Variants in SGK3 observed in about 807,000 individuals in gnomAD.
SGK3 encodes serum/glucocorticoid regulated kinase family member 3.
A neutral mutation model predicts 68.5 loss-of-function variants in SGK3; 47 were observed. That is an observed-to-expected ratio of 0.69 (90% CI 0.54 to 0.87). SGK3 has a LOEUF of 0.87. Ranked by LOEUF, SGK3 falls within the 40% of genes least tolerant of loss-of-function variation. SGK3 has a pLI of 0.00. For missense variants in SGK3, 479 were observed against 575.5 expected, an observed-to-expected ratio of 0.83 and a Z score of 1.72; for synonymous variants, 181 against 189.1, an observed-to-expected ratio of 0.96 and a Z score of 0.35.
chr8:66,785,423 C>G (rs562815606), intron 1 of SGK3, among the ~76,000 whole-genome samples: 1 of 152,326 alleles, frequency 6.6e-6, no homozygotes, highest in Admixed American at 6.5e-5. Flanking sequence ...TAAAACAGCC[C>G]TGGCATTAGT....
At chr8:66,831,143 A>G in intron 7 of SGK3, 111 bp from the exon 8 acceptor site, 1 of 1,261,318 alleles carries the variant, frequency 7.9e-7, no homozygotes, top group East Asian at 2.4e-5. Flanking sequence ...TAATAGGCTG[A>G]AGTGTTTTGT....
rs778416728 is a variant in SGK3, at chr8:66,760,629, C to T, written c.-121-32987C>T. Among the ~76,000 whole-genome samples the T allele has an allele frequency of 9.9e-5, 15 of 151,954 alleles. No individual in the cohort carries two copies. In the East Asian group the frequency reaches 2.1e-3, roughly 22 times the overall value. ...GATTACAGGCGTGAGTCACTGTGCCCGGCCACTTTGTTCATTTTCAAGAAA... is the reference window on the plus strand; with the variant it reads ...GATTACAGGCGTGAGTCACTGTGCCTGGCCACTTTGTTCATTTTCAAGAAA... On this transcript the variant is annotated intron_variant, in intron 1 of 16. Transcript: ENST00000521198.
chr8:66,759,524 C>T (rs140458944), intron 1 of SGK3, among the ~76,000 whole-genome samples: 130 of 148,248 alleles, frequency 8.8e-4, no homozygotes, highest in South Asian at 3.0e-3. Flanking sequence ...CTCTACCTCC[C>T]GGGTTCAAGC....
rs912984181 is a variant in SGK3, at chr8:66,747,267, A to C, written c.-122+34434A>C. On this transcript the variant is annotated intron_variant, in intron 1 of 16. Coordinates refer to ENST00000521198, the MANE Select transcript of SGK3 (RefSeq NM_001033578.3). ...TTTTTAAAATAGACTTTTATTCCCT[A>C]ACCTCATTTTAATGGTTTTGTTGTT... Among the ~76,000 whole-genome samples the C allele has an allele frequency of 2.0e-5, 3 of 152,140 alleles. No individual in the cohort carries two copies. In the East Asian group the frequency reaches 5.8e-4, roughly 29 times the overall value.
chr8:66,848,374 C>T (rs967916706), intron 15 of SGK3, among the ~76,000 whole-genome samples: 4 of 152,202 alleles, frequency 2.6e-5, no homozygotes, highest in Non-Finnish European at 5.9e-5. Context: ...CTTTGTTTCT[C>T]TGTGTAGCTT....
chr8:66,796,319 G>GTTTTTTTT (rs1427904115), intron 2 of SGK3, among the ~76,000 whole-genome samples: 1 of 14,416 alleles, frequency 6.9e-5, no homozygotes, highest in African/African-American at 2.0e-4. Flanking sequence ...TGTATTTTTT[G>GTTTTTTTT]TATTTTTTTT....
intron 10 of SGK3, among the ~76,000 whole-genome samples, chr8:66,838,128 C>T (rs532581942): frequency 1.5e-3 from 223 of 152,222 alleles, no homozygotes; most frequent in Non-Finnish European, 2.5e-3. Flanking sequence ...TGCAGTGGTG[C>T]GATCTCAGCT....
chr8:66,822,515 T>C, intron 6 of SGK3, 56 bp downstream of exon 6: 1 of 1,547,484 alleles, frequency 6.5e-7, no homozygotes, highest in Non-Finnish European at 8.8e-7. Context: ...AAGGTGAAAT[T>C]AGTGGCTTTA....
chr8:66,731,906 A>G (rs1805166673), intron 1 of SGK3, among the ~76,000 whole-genome samples: 1 of 152,192 alleles, frequency 6.6e-6, no homozygotes, highest in Admixed American at 6.5e-5. Context: ...GTGTCTGTGT[A>G]TTAGGATTTA....
chr8:66,742,257 T>A lies in SGK3; in HGVS notation c.-122+29424T>A, dbSNP rs371629854. Among the ~76,000 whole-genome samples the A allele has an allele frequency of 7.9e-5, 12 of 152,358 alleles. No individual in the cohort carries two copies. In the South Asian group the frequency reaches 2.3e-3, roughly 29 times the overall value. On this transcript the variant is annotated intron_variant, in intron 1 of 16. Coordinates refer to ENST00000521198, the MANE Select transcript of SGK3 (RefSeq NM_001033578.3). ...CCTAAACTGTTCAAATCATTTTTTT[T>A]ATGAAGGTTTAGGAGAAAAAAAATC... is the stretch of plus-strand genomic sequence containing the variant.
At chr8:66,847,621 C>T (rs1481605581) in intron 15 of SGK3, among the ~76,000 whole-genome samples, 1 of 152,126 alleles carries the variant, frequency 6.6e-6, no homozygotes, top group Non-Finnish European at 1.5e-5. Context: ...TACAAATTCC[C>T]CTCCCCTTCT....
chr8:66,808,945 C>G (rs1261648459), intron 4 of SGK3, among the ~76,000 whole-genome samples: 1 of 152,124 alleles, frequency 6.6e-6, no homozygotes, highest in African/African-American at 2.4e-5. Flanking sequence ...TCTCGGCCCA[C>G]CACAACCTCC....
intron 12 of SGK3, 23 bp from the exon 13 acceptor site, chr8:66,841,001 C>A: frequency 6.6e-7 from 1 of 1,512,538 alleles, no homozygotes; most frequent in Admixed American, 2.2e-5. Context: ...ATTGTTTTAT[C>A]TTACTGCCCC....
intron 7 of SGK3, among the ~76,000 whole-genome samples, chr8:66,830,071 T>G (rs1585781465): frequency 6.6e-6 from 1 of 152,004 alleles, no homozygotes; most frequent in Non-Finnish European, 1.5e-5. Context: ...GGCAGGCTGG[T>G]CTTGGAACTC....
At chr8:66,744,848 T>C (rs538697488) in intron 1 of SGK3, among the ~76,000 whole-genome samples, 49 of 151,558 alleles carry the variant, frequency 3.2e-4, no homozygotes, top group African/African-American at 1.1e-3. Context: ...GTGTGGGACC[T>C]TTTGGATTGG....
chr8:66,766,733 C>T (rs907411009), intron 1 of SGK3, among the ~76,000 whole-genome samples: 1 of 152,188 alleles, frequency 6.6e-6, no homozygotes, highest in Non-Finnish European at 1.5e-5. Flanking sequence ...GGTACGTAAA[C>T]ATTTAGAATT....
intron 1 of SGK3, among the ~76,000 whole-genome samples, chr8:66,752,916 A>G (rs1805865649): frequency 6.6e-6 from 1 of 152,032 alleles, no homozygotes; most frequent in African/African-American, 2.4e-5. Context: ...TGGCATGATC[A>G]TGGCTCACTA....
intron 14 of SGK3, among the ~76,000 whole-genome samples, chr8:66,846,347 C>T (rs531677659): frequency 8.5e-5 from 13 of 152,282 alleles, no homozygotes; most frequent in African/African-American, 2.4e-4. Flanking sequence ...TGGGGTCTCA[C>T]TCTGTTGCCC....
chr8:66,753,992 T>C (rs976008898), intron 1 of SGK3, among the ~76,000 whole-genome samples: 11 of 152,178 alleles, frequency 7.2e-5, no homozygotes, highest in Non-Finnish European at 1.2e-4. Flanking sequence ...CCTTATGACC[T>C]CTGAACTCCA....
Sources: gnomAD v4.1 joint callset for allele counts (sites outside exome capture counted in the v4.1 genomes callset) on GRCh38, gnomAD v4.1.1 for gene constraint, MANE v1.5 for transcripts, NCBI Gene and HGNC (gene_info 2026-07-23, HGNC 2026-07-21) for gene names.